Variants in ERBB4 observed in about 807,000 individuals in gnomAD.
ERBB4 encodes the protein receptor tyrosine-protein kinase erbB-4.
ERBB4 carries 42 observed loss-of-function variants against 158.0 expected under a neutral mutation model. The observed-to-expected ratio is 0.27, with a 90% CI of 0.21 to 0.34. The LOEUF (loss-of-function observed/expected upper bound fraction) is 0.34. Ranked by LOEUF, ERBB4 falls within the 10% of genes least tolerant of loss-of-function variation. The pLI is 1.00. For missense variants in ERBB4, 1,333 were observed against 1,624.1 expected (o/e 0.82, Z 3.08); for synonymous variants, 583 against 558.7 (o/e 1.04, Z -0.61).
chr2:212,378,706 G>C (rs982315309), intron 1 of ERBB4, among the ~76,000 whole-genome samples: 1 of 151,458 alleles, frequency 6.6e-6, no homozygotes, highest in Non-Finnish European at 1.5e-5. Flanking sequence ...TCTGAAGTTT[G>C]GTCACTATTA....
intron 20 of ERBB4, among the ~76,000 whole-genome samples, chr2:211,489,678 T>C (rs2065290531): frequency 6.6e-6 from 1 of 151,930 alleles, no homozygotes; most frequent in African/African-American, 2.4e-5. Flanking sequence ...AAAGTGAATA[T>C]GAAGGTATTG....
At position 212,373,827 on chromosome 2, in the gene ERBB4, ATATATATATATCCATG is replaced by A. The variant is rs1259380577; in HGVS notation, c.82+164606_82+164621del. Among the ~76,000 whole-genome samples the A allele has an allele frequency of 5.3e-4, 19 of 35,928 alleles. 1 individual carries two copies. The highest frequency in any genetic ancestry group is 0.036 in the Middle Eastern group (1 of 28). 23.6% of individuals were successfully genotyped at this position (35,928 alleles called of 152,430 possible). ...TATATATATCCATGTATATATCCAT[ATATATATATATCCATG>A]TATATATCCATGTATATATCCATAT... On this transcript the variant is annotated intron_variant, in intron 1 of 27. Coordinates refer to ENST00000342788, the MANE Select transcript of ERBB4 (RefSeq NM_005235.3).
At chr2:212,110,062 T>TG (rs1179133947) in intron 2 of ERBB4, among the ~76,000 whole-genome samples, 1 of 152,214 alleles carries the variant, frequency 6.6e-6, no homozygotes, top group East Asian at 1.9e-4. Flanking sequence ...CTTGTCCCAC[T>TG]GCTTCACAGG....
chr2:211,928,440 G>A lies in ERBB4; in HGVS notation c.421+18990C>T, dbSNP rs548025602. ...ACCTGTTTGTTCACTGTTATCAAAT[G>A]CCAGGCTGGGGGCTACCCCTGGTAA... On this transcript the variant is annotated intron_variant, in intron 3 of 27. Transcript: ENST00000342788. Among the ~76,000 whole-genome samples the A allele has an allele frequency of 2.0e-5, 3 of 152,270 alleles. No homozygotes were observed. In the South Asian group the frequency reaches 6.2e-4, roughly 32 times the overall value.
At chr2:211,577,194 G>T (rs1210396284) in intron 19 of ERBB4, among the ~76,000 whole-genome samples, 2 of 152,094 alleles carry the variant, frequency 1.3e-5, no homozygotes, top group Admixed American at 1.3e-4. Context: ...GGAAAAGTGT[G>T]GCATGCATGG....
rs2062541055 is a variant in ERBB4 at position 211,379,617 on chromosome 2, A to G, written c.*3998T>C. On this transcript the variant is annotated 3_prime_UTR_variant, in exon 28 of 28. Transcript: ENST00000342788. The stretch of plus-strand genomic sequence containing the variant: ...TTAGTTTTCTAGTTTGATTTATTTA[A>G]TAATATTAAAATCATTTAACATCTG... The G allele has an allele frequency of 1.3e-5, 3 of 231,406 alleles. No homozygotes were observed. The highest frequency in any genetic ancestry group is 2.6e-5 in the Non-Finnish European group (3 of 117,006). The allele number at this position is 231,406 out of a possible 1,614,324, so 14.3% of individuals were successfully genotyped here.
intron 2 of ERBB4, among the ~76,000 whole-genome samples, chr2:211,998,266 C>T (rs112214165): frequency 0.087 from 13,228 of 151,288 alleles, 764 homozygotes; most frequent in Non-Finnish European, 0.13. Flanking sequence ...TGTTTCCAGT[C>T]CCTCATTTCT....
At chr2:212,164,968 C>T (rs975860844) in intron 1 of ERBB4, among the ~76,000 whole-genome samples, 5 of 151,820 alleles carry the variant, frequency 3.3e-5, no homozygotes, top group Non-Finnish European at 7.4e-5. Flanking sequence ...TTTTCTTTTT[C>T]GCATTTTTAA....
chr2:212,082,653 G>A (rs570636085), intron 2 of ERBB4, among the ~76,000 whole-genome samples: 2 of 151,918 alleles, frequency 1.3e-5, no homozygotes, highest in South Asian at 2.1e-4. Context: ...AAACCTGAAG[G>A]GAAAAATATT....
intron 1 of ERBB4, among the ~76,000 whole-genome samples, chr2:212,326,169 T>C (rs922871418): frequency 6.6e-6 from 1 of 150,704 alleles, no homozygotes; most frequent in African/African-American, 2.4e-5. Context: ...GTTGAAGAAA[T>C]GTATCCATAA....
chr2:211,991,920 C>A (rs962188229), intron 2 of ERBB4, among the ~76,000 whole-genome samples: 7 of 152,088 alleles, frequency 4.6e-5, no homozygotes, highest in African/African-American at 1.4e-4. Flanking sequence ...TGTTGAGGCA[C>A]AGCAGATTAT....
chr2:211,532,159 GA>G, intron 20 of ERBB4, among the ~76,000 whole-genome samples: 1 of 151,346 alleles, frequency 6.6e-6, no homozygotes, highest in African/African-American at 2.4e-5. Flanking sequence ...TGTGGGGGGG[GA>G]AAGTAGGTAT....
intron 19 of ERBB4, among the ~76,000 whole-genome samples, chr2:211,597,520 T>C (rs1478909204): frequency 6.6e-6 from 1 of 152,140 alleles, no homozygotes; most frequent in Non-Finnish European, 1.5e-5. Context: ...ATTTATCAAG[T>C]AAATTTTGAG....
chr2:212,330,627 A>G (rs1232386733), intron 1 of ERBB4, among the ~76,000 whole-genome samples: 1 of 151,904 alleles, frequency 6.6e-6, no homozygotes, highest in Non-Finnish European at 1.5e-5. Flanking sequence ...ACAAATCAAA[A>G]CAAAATACAA....
rs1341499914 is a variant in ERBB4 at position 212,377,535 on chromosome 2, CAT to C, written c.82+160912_82+160913del. Among the ~76,000 whole-genome samples the C allele has an allele frequency of 4.0e-5, 6 of 151,774 alleles. No individual in the cohort carries two copies. In the East Asian group the frequency reaches 9.7e-4, roughly 25 times the overall value. ...AATGGTAAATGTTTGTGTATTTAAA[CAT>C]AGAAAAAGTACAATAAAAATGCAGC... On this transcript the variant is annotated intron_variant, in intron 1 of 27. Coordinates refer to ENST00000342788, the MANE Select transcript of ERBB4 (RefSeq NM_005235.3).
chr2:212,536,511 C>T (rs1159903109), intron 1 of ERBB4, among the ~76,000 whole-genome samples: 1 of 152,144 alleles, frequency 6.6e-6, no homozygotes, highest in Non-Finnish European at 1.5e-5. Context: ...GAGTCACACA[C>T]GGAACAACAA....
intron 20 of ERBB4, among the ~76,000 whole-genome samples, chr2:211,518,990 C>T (rs2066116655): frequency 6.6e-6 from 1 of 152,046 alleles, no homozygotes; most frequent in Non-Finnish European, 1.5e-5. Flanking sequence ...GAAGGTTTTG[C>T]TTCCTTGCCT....
intron 6 of ERBB4, among the ~76,000 whole-genome samples, chr2:211,723,941 T>G (rs1018966522): frequency 1.3e-5 from 2 of 152,212 alleles, no homozygotes; most frequent in Non-Finnish European, 2.9e-5. Flanking sequence ...AATTTGAAGC[T>G]CACTCAGCAC....
intron 4 of ERBB4, among the ~76,000 whole-genome samples, chr2:211,752,717 T>C (rs2075170630): frequency 6.6e-6 from 1 of 152,162 alleles, no homozygotes; most frequent in Admixed American, 6.6e-5. Context: ...CCAGATTCAA[T>C]ATAAAAAGGC....
Sources: allele counts gnomAD v4.1 joint callset (sites outside exome capture counted in the v4.1 genomes callset), GRCh38; gene constraint gnomAD v4.1.1; transcripts MANE v1.5; gene names NCBI Gene and HGNC (gene_info 2026-07-23, HGNC 2026-07-21).